The following PTPRA variants were observed in gnomAD, a reference collection of about 807,000 sequenced individuals.
PTPRA encodes protein tyrosine phosphatase receptor type A, also known as receptor-type tyrosine-protein phosphatase alpha.
PTPRA carries 25 observed loss-of-function variants against 104.8 expected under a neutral mutation model. That is an observed-to-expected ratio of 0.24 (90% confidence interval 0.17 to 0.33). The LOEUF (loss-of-function observed/expected upper bound fraction) is 0.33. PTPRA is among the 10% of genes least tolerant of loss of function. PTPRA has a pLI of 1.00. For missense variants in PTPRA, 765 were observed against 1,015.3 expected (o/e 0.75, Z 3.35); for synonymous variants, 323 against 368.9 (o/e 0.88, Z 1.43).
intron 1 of PTPRA, among the ~76,000 whole-genome samples, chr20:2,891,889 C>T (rs1568641400): frequency 6.6e-6 from 1 of 152,118 alleles, no homozygotes; most frequent in Non-Finnish European, 1.5e-5. Flanking sequence ...TAAAACAATG[C>T]AAATACTATG....
intron 2 of PTPRA, among the ~76,000 whole-genome samples, chr20:2,945,793 G>C (rs868654660): frequency 2.6e-5 from 4 of 151,774 alleles, no homozygotes; most frequent in African/African-American, 9.7e-5. Context: ...GCCAGACGTG[G>C]TGGCAGGTGC....
At chr20:2,985,884 CTTGTTTG>C (rs1376873253) in intron 6 of PTPRA, among the ~76,000 whole-genome samples, 14 of 148,758 alleles carry the variant, frequency 9.4e-5, no homozygotes, top group African/African-American at 3.0e-4. Flanking sequence ...CAGCTGTCTC[CTTGTTTG>C]TTTGTTTGTT....
At chr20:2,958,844 CAAAAAAAAAAAA>C (rs528139524) in intron 3 of PTPRA, among the ~76,000 whole-genome samples, 1 of 46,854 alleles carries the variant, frequency 2.1e-5, no homozygotes, top group South Asian at 6.8e-4. Context: ...GAGACTGTAT[CAAAAAAAAAAAA>C]AAAAAAAAAG....
At chr20:2,992,160 T>G (rs755568609) in intron 9 of PTPRA, among the ~76,000 whole-genome samples, 1 of 152,204 alleles carries the variant, frequency 6.6e-6, no homozygotes, top group African/African-American at 2.4e-5. Context: ...TAGAGATCAC[T>G]TCCAGCTGAT....
At chr20:3,008,285 C>G (rs939222124) in intron 11 of PTPRA, among the ~76,000 whole-genome samples, 23 of 152,120 alleles carry the variant, frequency 1.5e-4, no homozygotes, top group Admixed American at 1.3e-4. Context: ...GTTATTCAGC[C>G]TTTAAAAGGA....
intron 1 of PTPRA, among the ~76,000 whole-genome samples, chr20:2,901,321 T>C (rs373831376): frequency 5.5e-4 from 84 of 152,336 alleles, no homozygotes; most frequent in African/African-American, 1.8e-3. Context: ...AGCTGAACTT[T>C]ACACAGCTTT....
chr20:2,875,720 A>G (rs1274581156), intron 1 of PTPRA, among the ~76,000 whole-genome samples: 1 of 152,192 alleles, frequency 6.6e-6, no homozygotes, highest in Non-Finnish European at 1.5e-5. Flanking sequence ...AAAAGGGCTT[A>G]TTCCTACTCT....
chr20:3,037,193 C>A lies in PTPRA; in HGVS notation c.2238C>A (p.Ser746Arg), dbSNP rs761469813. 30 of 1,614,182 alleles carry A rather than the reference C, an allele frequency of 1.9e-5. 1 individual carries two copies. In the Middle Eastern group the frequency reaches 1.5e-3, roughly 80 times the overall value. ...GGACGGGGACCTTCTGTGCCCTGAG[C>A]ACCGTCCTGGAGCGTGTGAAAGCAG... Reference protein sequence around the residue: ...AGRTGTFCALSTVLERVKAEG... With the variant: ...AGRTGTFCALRTVLERVKAEG... The change falls in exon 23 of 24, where the codon AGC becomes AGA. Residue 746 changes from serine to arginine, a missense_variant. By Grantham distance (110) the Ser-to-Arg change is moderately radical (BLOSUM62 -1). Around this residue, in one of 4 missense-constraint regions of PTPRA, gnomAD observed 72 missense variants for 140.7 expected, o/e 0.51. Coordinates refer to ENST00000399903, the MANE Select transcript of PTPRA (RefSeq NM_001385305.1). This position sits in a 1 kb window ranked among gnomAD's most constrained non-coding sequence, Gnocchi z 4.3.
rs138171692 is a variant in PTPRA at position 2,917,505 on chromosome 20, C to T, written c.-128-5702C>T. Among the ~76,000 whole-genome samples, 17 of 152,268 alleles carry T rather than the reference C, an allele frequency of 1.1e-4. No individual in the cohort carries two copies. The East Asian group carries it at 3.1e-3, about 28-fold the overall frequency. ...TGGGCCCAATACAGAGGTCAGCTCA[C>T]ACTTCCAGCCTTAGCTTTGGTTCAC... On this transcript the variant is annotated intron_variant, in intron 1 of 23. Transcript: ENST00000399903.
At chr20:2,920,894 A>G (rs6138952) in intron 1 of PTPRA, among the ~76,000 whole-genome samples, 32,480 of 152,086 alleles carry the variant, frequency 0.21, 3,896 homozygotes, top group East Asian at 0.36. Context: ...GTGAGTACTC[A>G]GAAAGAAAGC....
Position 2,886,675 on chromosome 20 carries a change from G to A in PTPRA, c.-129+12915G>A, listed in dbSNP as rs1188661843. On this transcript the variant is annotated intron_variant, in intron 1 of 23. Coordinates refer to ENST00000399903, the MANE Select transcript of PTPRA (RefSeq NM_001385305.1). ...GCCTGACCAACATGGAGAAACCCCC[G>A]TCTCTACTAAAAAAAAAAAAAAAAT... is the stretch of plus-strand genomic sequence containing the variant. Among the ~76,000 whole-genome samples, 16 of 140,572 alleles carry A rather than the reference G, an allele frequency of 1.1e-4. No individual in the cohort carries two copies. In the Middle Eastern group the frequency reaches 0.011, roughly 93 times the overall value. The allele number at this position is 140,572 out of a possible 152,430, so 92.2% of individuals were successfully genotyped here.
intron 1 of PTPRA, among the ~76,000 whole-genome samples, chr20:2,913,802 T>A (rs2059804356): frequency 6.6e-6 from 1 of 152,172 alleles, no homozygotes; most frequent in African/African-American, 2.4e-5. Context: ...TTATAATCAG[T>A]ATTTTATGAG....
At chr20:2,929,514 A>G (rs1247751306) in intron 2 of PTPRA, among the ~76,000 whole-genome samples, 1 of 152,196 alleles carries the variant, frequency 6.6e-6, no homozygotes, top group Non-Finnish European at 1.5e-5. Flanking sequence ...GAAAATGACC[A>G]TAAAATGTTC....
At chr20:2,864,929 C>T in the PTPRA span, 25 of 1,610,360 alleles carry the variant, frequency 1.6e-5, no homozygotes, top group East Asian at 2.2e-5. The surrounding 1 kb of genome is among the most constrained non-coding windows in gnomAD (Gnocchi z 5.2). Flanking sequence ...GTGAGGAGGG[C>T]GAGGGTCCTG....
chr20:2,948,227 G>T (rs62207193), intron 3 of PTPRA, among the ~76,000 whole-genome samples: 139 of 152,146 alleles, frequency 9.1e-4, no homozygotes, highest in Non-Finnish European at 1.6e-3. Context: ...ATTTTTCAAG[G>T]ACTATAGCCC....
chr20:3,004,526 A>G (rs898905022), intron 9 of PTPRA, among the ~76,000 whole-genome samples: 1 of 68,706 alleles, frequency 1.5e-5, no homozygotes, highest in Non-Finnish European at 3.0e-5. Flanking sequence ...ATGCCCTCCC[A>G]CCCACCCACC....
the PTPRA span, chr20:2,864,795 C>T: frequency 1.7e-6 from 2 of 1,162,700 alleles, no homozygotes. The surrounding 1 kb of genome is among the most constrained non-coding windows in gnomAD (Gnocchi z 5.2). Flanking sequence ...GACGTGAGGC[C>T]AGGATGGGGG....
intron 20 of PTPRA, among the ~76,000 whole-genome samples, chr20:3,028,666 G>T (rs1190539507): frequency 6.6e-6 from 1 of 152,174 alleles, no homozygotes. Context: ...ACTATGTCTG[G>T]GGTGTCACTT....
chr20:2,968,489 C>T (rs1300358846), intron 5 of PTPRA, among the ~76,000 whole-genome samples: 5 of 130,462 alleles, frequency 3.8e-5, no homozygotes, highest in African/African-American at 1.9e-4. Flanking sequence ...AACCTTCTCC[C>T]CCTCTTCCTT....
Sources: gnomAD v4.1 joint callset for allele counts (sites outside exome capture counted in the v4.1 genomes callset) on GRCh38, gnomAD v4.1.1 for gene constraint, gnomAD v4.1.1 regional missense constraint, Gnocchi (gnomAD v3.1) non-coding constraint, MANE v1.5 for transcripts, NCBI Gene and HGNC (gene_info 2026-07-23, HGNC 2026-07-21) for gene names.